Variants in MMP26 observed in about 807,000 individuals in gnomAD.
MMP26 encodes matrix metalloproteinase-26.
In MMP26, 33 loss-of-function variants were observed where a neutral mutation model predicts 31.0. The ratio of observed to expected loss-of-function variants is 1.06; its 90% CI spans 0.81 to 1.42. The LOEUF (loss-of-function observed/expected upper bound fraction) is 1.42. MMP26 is among the 40% of genes most tolerant of loss of function. The pLI is 0.00. For missense variants in MMP26, 347 were observed against 316.1 expected (o/e 1.10, Z -0.74); for synonymous variants, 122 against 114.9 (o/e 1.06, Z -0.40).
intron 2 of MMP26, among the ~76,000 whole-genome samples, chr11:4,776,825 T>A (rs558747334): frequency 1.3e-5 from 2 of 152,312 alleles, no homozygotes; most frequent in South Asian, 4.1e-4. Flanking sequence ...CCAGTCATAT[T>A]TCCTGTTAAT....
intron 2 of MMP26, among the ~76,000 whole-genome samples, chr11:4,844,765 T>C (rs1278024665): frequency 1.3e-5 from 2 of 152,054 alleles, no homozygotes; most frequent in African/African-American, 2.4e-5. Context: ...TATCTCAAAA[T>C]AGTAAAAGCC....
At chr11:4,867,387 CT>C (rs3065176) in intron 2 of MMP26, among the ~76,000 whole-genome samples, 6,287 of 98,152 alleles carry the variant, frequency 0.064, 128 homozygotes, top group African/African-American at 0.093. Flanking sequence ...AGATGCTGTC[CT>C]TTTTTTTTTT....
chr11:4,985,399 A>T (rs1258107724), intron 2 of MMP26, among the ~76,000 whole-genome samples: 1 of 152,192 alleles, frequency 6.6e-6, no homozygotes, highest in Non-Finnish European at 1.5e-5. Context: ...TTGTTTCCAT[A>T]GGCAGTCTTA....
intron 2 of MMP26, among the ~76,000 whole-genome samples, chr11:4,979,478 T>C (rs1453684711): frequency 6.6e-6 from 1 of 152,142 alleles, no homozygotes; most frequent in African/African-American, 2.4e-5. Context: ...ATACCTCTAA[T>C]GTATAATTGA....
chr11:4,715,145 T>A lies in MMP26; in HGVS notation c.-217+10100T>A, dbSNP rs527884118. On this transcript the variant is annotated intron_variant, in intron 1 of 7. Coordinates refer to ENST00000380390, the MANE Select transcript of MMP26 (RefSeq NM_021801.5). ...TTCACATCAACATGTATATATTGTA[T>A]GCCCATACTTCTCAAAATATATTTC... Among the ~76,000 whole-genome samples, 59 of 152,268 alleles carry A rather than the reference T, an allele frequency of 3.9e-4. 2 individuals are homozygous for A. Among genetic ancestry groups the A allele is most frequent in the South Asian group, 3.3e-3 (16 of 4,828 alleles).
chr11:4,966,668 G>A (rs1000040047), intron 2 of MMP26, among the ~76,000 whole-genome samples: 7 of 152,130 alleles, frequency 4.6e-5, no homozygotes, highest in African/African-American at 1.2e-4. Flanking sequence ...TGTGAACAAC[G>A]TTAGTTCATT....
chr11:4,986,566 T>A (rs1846892750), intron 2 of MMP26, among the ~76,000 whole-genome samples: 2 of 122,646 alleles, frequency 1.6e-5, no homozygotes, highest in South Asian at 6.0e-4. Flanking sequence ...AATCTCACTC[T>A]GTTTCCCAGG....
At chr11:4,758,097 A>G (rs1387445427) in intron 1 of MMP26, among the ~76,000 whole-genome samples, 1 of 152,198 alleles carries the variant, frequency 6.6e-6, no homozygotes, top group African/African-American at 2.4e-5. Context: ...GAATTGAAAC[A>G]ATCCAAATAT....
At chr11:4,959,755 T>C (rs1384172427) in intron 2 of MMP26, among the ~76,000 whole-genome samples, 3 of 152,198 alleles carry the variant, frequency 2.0e-5, no homozygotes, top group African/African-American at 7.2e-5. Flanking sequence ...CCCTTAGAGG[T>C]TTATTTTGCA....
intron 1 of MMP26, among the ~76,000 whole-genome samples, chr11:4,722,054 G>T (rs1848019984): frequency 6.6e-6 from 1 of 152,124 alleles, no homozygotes; most frequent in Non-Finnish European, 1.5e-5. Context: ...TTCTCACTTT[G>T]CCTTCTGCCA....
intron 2 of MMP26, chr11:4,769,611 T>C (rs1264507753): frequency 6.2e-7 from 1 of 1,612,392 alleles, no homozygotes; most frequent in Non-Finnish European, 8.5e-7. Context: ...AGAAAAAACA[T>C]CTGGACAATG....
At chr11:4,882,111 T>C in intron 2 of MMP26, 2 of 1,613,990 alleles carry the variant, frequency 1.2e-6, no homozygotes, top group Non-Finnish European at 8.5e-7. Flanking sequence ...CTGGCAGCTG[T>C]TGATCTATGT....
chr11:4,772,790 G>C (rs983635712), intron 2 of MMP26, among the ~76,000 whole-genome samples: 2 of 152,152 alleles, frequency 1.3e-5, no homozygotes, highest in Non-Finnish European at 2.9e-5. Context: ...CTCCTTTATA[G>C]AGAAGCTGCA....
intron 2 of MMP26, among the ~76,000 whole-genome samples, chr11:4,902,729 C>T (rs185105976): frequency 6.6e-6 from 1 of 152,234 alleles, no homozygotes; most frequent in Admixed American, 6.5e-5. Flanking sequence ...TTTAATAAGT[C>T]TATTTGCTTC....
At chr11:4,828,001 T>C (rs1311848608) in intron 2 of MMP26, among the ~76,000 whole-genome samples, 2 of 152,130 alleles carry the variant, frequency 1.3e-5, no homozygotes, top group Non-Finnish European at 2.9e-5. Flanking sequence ...GGATGTGCCA[T>C]AAGGCAAACA....
At chr11:4,931,256 A>T (rs1431596282) in intron 2 of MMP26, among the ~76,000 whole-genome samples, 1 of 152,116 alleles carries the variant, frequency 6.6e-6, no homozygotes. Context: ...ATCCCTTTAC[A>T]GATTACCTGG....
intron 2 of MMP26, among the ~76,000 whole-genome samples, chr11:4,851,322 T>G (rs1003358823): frequency 5.3e-5 from 8 of 152,286 alleles, no homozygotes; most frequent in African/African-American, 1.9e-4. Flanking sequence ...ACGGCAATTT[T>G]GGTGGCAAGG....
intron 2 of MMP26, chr11:4,955,293 C>T (rs755993367): frequency 8.2e-7 from 1 of 1,215,048 alleles, no homozygotes; most frequent in South Asian, 1.2e-5. Context: ...GCAACTCTGA[C>T]AGTTGTCAGG....
At chr11:4,979,386 CTTGT>C (rs1846782920) in intron 2 of MMP26, among the ~76,000 whole-genome samples, 1 of 152,138 alleles carries the variant, frequency 6.6e-6, no homozygotes, top group South Asian at 2.1e-4. Context: ...TTGACAGTCA[CTTGT>C]TTGAGTAACT....
Sources: gnomAD v4.1 joint callset for allele counts (sites outside exome capture counted in the v4.1 genomes callset) on GRCh38, gnomAD v4.1.1 for gene constraint, MANE v1.5 for transcripts, NCBI Gene and HGNC (gene_info 2026-07-23, HGNC 2026-07-21) for gene names.